Variants in CRKL observed in about 807,000 individuals in gnomAD.
CRKL encodes CRK like proto-oncogene, adaptor protein.
A neutral mutation model predicts 23.0 loss-of-function variants in CRKL; 3 were observed. The observed-to-expected ratio is 0.13, with a 90% CI of 0.06 to 0.34. The LOEUF (loss-of-function observed/expected upper bound fraction) is 0.34, where lower values mean the gene tolerates loss of function less well. Ranked by LOEUF, CRKL falls within the 10% of genes least tolerant of loss-of-function variation. CRKL has a pLI of 1.00. For synonymous variants in CRKL, 188 were observed against 160.7 expected, an observed-to-expected ratio of 1.17 and a Z score of -1.28; for missense variants, 256 against 394.5, an observed-to-expected ratio of 0.65 and a Z score of 2.97.
chr22:20,936,925 A>C (rs560636329), intron 2 of CRKL, among the ~76,000 whole-genome samples: 2 of 151,056 alleles, frequency 1.3e-5, no homozygotes, highest in South Asian at 4.2e-4. Context: ...AGTTGATAGA[A>C]TCTCAGCTCA....
chr22:20,941,865 A>G (rs1156605537), intron 2 of CRKL, among the ~76,000 whole-genome samples: 2 of 151,966 alleles, frequency 1.3e-5, no homozygotes, highest in East Asian at 3.9e-4. Flanking sequence ...AAATATTTTT[A>G]AAAGGTTTTT....
intron 1 of CRKL, among the ~76,000 whole-genome samples, chr22:20,931,683 C>G (rs1921458101): frequency 6.6e-6 from 1 of 152,230 alleles, no homozygotes; most frequent in African/African-American, 2.4e-5. Flanking sequence ...ATCTACCTCA[C>G]AGACTATTAA....
chr22:20,941,594 T>A lies in CRKL; in HGVS notation c.777+7350T>A, dbSNP rs1248206502. Among the ~76,000 whole-genome samples, 225 of 84,542 alleles carry A rather than the reference T, an allele frequency of 2.7e-3. 10 individuals are homozygous for A. The highest frequency in any genetic ancestry group is 8.8e-3 in the African/African-American group (184 of 20,808). The allele number at this position is 84,542 out of a possible 152,430, so 55.5% of individuals were successfully genotyped here. On this transcript the variant is annotated intron_variant, in intron 2 of 2. Transcript: ENST00000354336. ...TGTGTGTGTGTATATATATATTTTT[T>A]TTTTTTTTTTTTTTTTTTGAGATAG... is the stretch of plus-strand genomic sequence containing the variant.
intron 1 of CRKL, among the ~76,000 whole-genome samples, chr22:20,926,805 T>C (rs1448072986): frequency 6.6e-6 from 1 of 151,934 alleles, no homozygotes; most frequent in African/African-American, 2.4e-5. Flanking sequence ...TAAATGCTGG[T>C]CAGTGATAAA....
At chr22:20,928,812 CAAAAAAAAA>C (rs57896414) in intron 1 of CRKL, among the ~76,000 whole-genome samples, 4 of 81,572 alleles carry the variant, frequency 4.9e-5, no homozygotes, top group African/African-American at 1.9e-4. Context: ...GATCCCATCT[CAAAAAAAAA>C]AAAAAAAAAA....
At chr22:20,942,125 T>G (rs1464313040) in intron 2 of CRKL, among the ~76,000 whole-genome samples, 2 of 152,234 alleles carry the variant, frequency 1.3e-5, no homozygotes, top group Non-Finnish European at 2.9e-5. Flanking sequence ...CTACCTTCTG[T>G]CTATGAATTT....
chr22:20,928,987 C>G (rs1033052146), intron 1 of CRKL, among the ~76,000 whole-genome samples: 2 of 151,968 alleles, frequency 1.3e-5, no homozygotes, highest in African/African-American at 4.8e-5. Context: ...AAACTGAGAA[C>G]GCTTTTAACC....
intron 2 of CRKL, among the ~76,000 whole-genome samples, chr22:20,948,424 A>G (rs567688623): frequency 2.0e-5 from 3 of 151,052 alleles, no homozygotes; most frequent in Admixed American, 6.6e-5. Flanking sequence ...TCCAAAGGGT[A>G]TGATCATTAG....
intron 1 of CRKL, among the ~76,000 whole-genome samples, chr22:20,921,477 C>T (rs35023259): frequency 0.15 from 21,885 of 150,866 alleles, 1,880 homozygotes; most frequent in East Asian, 0.36. Context: ...AGAAGACAGA[C>T]TGAAAAGTAG....
At position 20,950,396 on chromosome 22, in the gene CRKL, T is replaced by C. The variant is rs1475247091; in HGVS notation, c.*551T>C. 1 of 232,924 alleles carries C rather than the reference T, an allele frequency of 4.3e-6. No homozygotes were observed. The highest frequency in any genetic ancestry group is 2.2e-5 in the African/African-American group (1 of 45,226). 14.4% of individuals were successfully genotyped at this position (232,924 alleles called of 1,614,324 possible). On this transcript the variant is annotated 3_prime_UTR_variant, in exon 3 of 3. Transcript: ENST00000354336. ...TAATTAGACTTGTGTGGGGGTTTTT[T>C]TTTGTTTTGTTTTGTTTGTTTTGTT... is the stretch of plus-strand genomic sequence containing the variant.
chr22:20,939,912 C>CT (rs1921808228), intron 2 of CRKL, among the ~76,000 whole-genome samples: 1 of 151,708 alleles, frequency 6.6e-6, no homozygotes, highest in Non-Finnish European at 1.5e-5. Flanking sequence ...CCTCAGCCTC[C>CT]TGAGTAGCTG....
chr22:20,947,453 C>T (rs1025288385), intron 2 of CRKL, among the ~76,000 whole-genome samples: 1 of 151,870 alleles, frequency 6.6e-6, no homozygotes, highest in Non-Finnish European at 1.5e-5. Flanking sequence ...CTGCGTCAGC[C>T]TCCCGAGTAG....
intron 1 of CRKL, among the ~76,000 whole-genome samples, chr22:20,929,377 G>C (rs1000423756): frequency 1.4e-4 from 22 of 151,936 alleles, no homozygotes; most frequent in Non-Finnish European, 3.1e-4. Context: ...GTGTTAGCCA[G>C]GATGGTCTCG....
chr22:20,951,250 T>G lies in CRKL; in HGVS notation c.*1405T>G, dbSNP rs1246514900. The stretch of plus-strand genomic sequence containing the variant: ...CAGAGAAAGTTGGTGCTGCTCATAC[T>G]GGTCTCACAGTCTAAGTAAGTGTCT... On this transcript the variant is annotated 3_prime_UTR_variant, in exon 3 of 3. Coordinates refer to ENST00000354336, the MANE Select transcript of CRKL (RefSeq NM_005207.4). 1 of 232,548 alleles carries G rather than the reference T, an allele frequency of 4.3e-6. No individual in the cohort carries two copies. Among genetic ancestry groups the G allele is most frequent in the Non-Finnish European group, 8.5e-6 (1 of 117,682 alleles). 14.4% of individuals were successfully genotyped at this position (232,548 alleles called of 1,614,324 possible). A position where few individuals can be genotyped will look rare whatever the true frequency, so the allele number is the denominator to read the frequency against.
At chr22:20,918,288 C>G (rs2147892227) in intron 1 of CRKL, 43 bp downstream of exon 1, 1 of 1,595,428 alleles carries the variant, frequency 6.3e-7, no homozygotes, top group Non-Finnish European at 8.5e-7. Flanking sequence ...GGTCGAGAAC[C>G]GGGTCTGTCG....
chr22:20,934,816 T>C (rs960526620), intron 2 of CRKL, among the ~76,000 whole-genome samples: 25 of 136,298 alleles, frequency 1.8e-4, no homozygotes, highest in Non-Finnish European at 2.7e-4. Context: ...TTTTTTTTTT[T>C]TTTTTTTTTT....
chr22:20,942,192 G>A (rs1171954509), intron 2 of CRKL, among the ~76,000 whole-genome samples: 3 of 152,208 alleles, frequency 2.0e-5, no homozygotes, highest in Non-Finnish European at 4.4e-5. Context: ...CTTTGGGTCT[G>A]AATTATTTCA....
In CRKL at chr22:20,950,499, C is replaced by T. The variant is rs948623120; in HGVS notation, c.*654C>T. The T allele has an allele frequency of 3.1e-5, 7 of 228,978 alleles. No individual in the cohort carries two copies. The highest frequency in any genetic ancestry group is 5.7e-5 in the Admixed American group (1 of 17,614). 14.2% of individuals were successfully genotyped at this position (228,978 alleles called of 1,614,324 possible). ...CGCAATCTCGCCTTCCTGCAGTCTC[C>T]GCCTCCTGAGTTCAAGCGATTCTCC... On this transcript the variant is annotated 3_prime_UTR_variant, in exon 3 of 3. Transcript: ENST00000354336.
rs1421720268 is a variant in CRKL at position 20,917,690 on chromosome 22, C to T, written c.-245C>T. On this transcript the variant is annotated 5_prime_UTR_variant, in exon 1 of 3. Transcript: ENST00000354336. ...GCGGCTCGGGTTTGCCTGCCCCGAC[C>T]CCCCGGCTCTGCCGTGCATTCCCGG... is the stretch of plus-strand genomic sequence containing the variant. The T allele has an allele frequency of 5.6e-6, 3 of 532,222 alleles. No homozygotes were observed. The highest frequency in any genetic ancestry group is 4.9e-4 in the Middle Eastern group (1 of 2,058). The allele number at this position is 532,222 out of a possible 1,614,324, so 33.0% of individuals were successfully genotyped here.
Sources: gnomAD v4.1 joint callset for allele counts (sites outside exome capture counted in the v4.1 genomes callset) on GRCh38, gnomAD v4.1.1 for gene constraint, MANE v1.5 for transcripts, NCBI Gene and HGNC (gene_info 2026-07-23, HGNC 2026-07-21) for gene names.